The following CDKL5 variants were observed in gnomAD, a reference collection of about 807,000 sequenced individuals.
The protein encoded by CDKL5 is cyclin-dependent kinase-like 5.
In CDKL5, 8 loss-of-function variants were observed where a neutral mutation model predicts 61.7. The observed-to-expected ratio is 0.13, with a 90% CI of 0.08 to 0.23. The LOEUF (loss-of-function observed/expected upper bound fraction) is 0.23. CDKL5 is among the 10% of genes least tolerant of loss of function. The pLI, the probability that CDKL5 is intolerant of heterozygous loss-of-function variation, is 1.00. For synonymous variants in CDKL5, 275 were observed against 272.3 expected, an observed-to-expected ratio of 1.01 and a Z score of -0.10; for missense variants, 440 against 734.5, an observed-to-expected ratio of 0.60 and a Z score of 4.63.
intron 3 of CDKL5, among the ~76,000 whole-genome samples, chrX:18,552,393 A>C (rs1299537144): frequency 8.9e-6 from 1 of 112,293 alleles, no homozygotes; most frequent in Non-Finnish European, 1.9e-5. Flanking sequence ...CTATGGTAGA[A>C]TTAGTAACTG....
intron 1 of CDKL5, among the ~76,000 whole-genome samples, chrX:18,466,353 T>A (rs1920961316): frequency 8.9e-6 from 1 of 112,209 alleles, no homozygotes. Flanking sequence ...CCTAATGGAT[T>A]TATAAGCAAA....
chrX:18,593,126 C>T lies in CDKL5; in HGVS notation c.745-2222C>T, dbSNP rs148850180. Among the ~76,000 whole-genome samples the T allele has an allele frequency of 4.9e-3, 546 of 112,086 alleles. 3 individuals are homozygous for T. The highest frequency in any genetic ancestry group is 0.046 in the Middle Eastern group (10 of 218). On this transcript the variant is annotated intron_variant, in intron 9 of 17. Coordinates refer to ENST00000623535, the MANE Select transcript of CDKL5 (RefSeq NM_001323289.2). ...GTAAAATGTCTAGACCAGAACCTCA[C>T]GCATAGTGCTCAGCAAAGAGGCATT...
chrX:18,630,894 C>G lies in CDKL5; in HGVS notation c.*2137C>G, dbSNP rs1323070379. 1.2e-5 allele frequency: 9 copies of G among 745,582 alleles called. No individual in the cohort carries two copies. The highest frequency in any genetic ancestry group is 1.4e-5 in the Non-Finnish European group (9 of 637,197). 61.4% of individuals were successfully genotyped at this position (745,582 alleles called of 1,213,427 possible). On this transcript the variant is annotated 3_prime_UTR_variant, in exon 18 of 18. Transcript: ENST00000623535. The stretch of plus-strand genomic sequence containing the variant: ...ATGAGGTGGACCATCAGCAGTTTTG[C>G]CTGGACACTAATGACTCTAAAAGGG...
intron 12 of CDKL5, 53 bp from the exon 13 acceptor site, chrX:18,608,758 T>G (rs1926445273): frequency 1.2e-6 from 1 of 827,328 alleles, no homozygotes; most frequent in Admixed American, 2.3e-5. Flanking sequence ...CATGATGAGT[T>G]CCATCCCTAG....
intron 16 of CDKL5, among the ~76,000 whole-genome samples, chrX:18,621,166 G>A (rs1413798699): frequency 8.9e-6 from 1 of 112,182 alleles, no homozygotes; most frequent in Non-Finnish European, 1.9e-5. Context: ...TATAAGTTTA[G>A]TAGATTAGAC....
chrX:18,608,238 C>T (rs993060097), intron 12 of CDKL5, among the ~76,000 whole-genome samples: 1 of 111,748 alleles, frequency 8.9e-6, no homozygotes, highest in African/African-American at 3.3e-5. Context: ...AACATAAGTG[C>T]TGTTATCCTA....
Position 18,435,742 on chromosome X carries a change from T to C in CDKL5, c.-163+10047T>C, listed in dbSNP as rs142571926. On this transcript the variant is annotated intron_variant, in intron 1 of 17. Transcript: ENST00000623535. Reference sequence around the variant, plus strand: ...CCTCCACACCTGGCTAATTTTTGTATTTTCAGTAGAGACGGGGTTTCACTA... The same window carrying C: ...CCTCCACACCTGGCTAATTTTTGTACTTTCAGTAGAGACGGGGTTTCACTA... 1.5e-4 allele frequency among the ~76,000 whole-genome samples: 17 copies of C among 111,315 alleles called. No individual in the cohort carries two copies. In the East Asian group the frequency reaches 4.8e-3, roughly 31 times the overall value.
At chrX:18,556,006 C>G (rs1278658327) in intron 3 of CDKL5, among the ~76,000 whole-genome samples, 1 of 111,835 alleles carries the variant, frequency 8.9e-6, no homozygotes, top group Admixed American at 9.5e-5. Context: ...CTGGAGAAAT[C>G]TAGCTTTTAT....
intron 9 of CDKL5, among the ~76,000 whole-genome samples, chrX:18,591,605 G>T (rs1281206954): frequency 1.8e-5 from 2 of 110,624 alleles, no homozygotes; most frequent in African/African-American, 6.6e-5. Flanking sequence ...AACTCTTTAG[G>T]GTAGCTTTAA....
At chrX:18,490,467 G>C (rs760682234) in intron 1 of CDKL5, among the ~76,000 whole-genome samples, 7 of 99,583 alleles carry the variant, frequency 7.0e-5, no homozygotes, top group Non-Finnish European at 4.1e-5. Flanking sequence ...GCTGTCTGGG[G>C]AAAAAAAAAA....
At chrX:18,612,359 T>A (rs1926579533) in intron 14 of CDKL5, among the ~76,000 whole-genome samples, 1 of 111,565 alleles carries the variant, frequency 9.0e-6, no homozygotes, top group African/African-American at 3.3e-5. Context: ...TGGTAGGGGC[T>A]ACAAGATTCA....
chrX:18,539,656 G>A (rs940391006), intron 3 of CDKL5, among the ~76,000 whole-genome samples: 1 of 111,337 alleles, frequency 9.0e-6, no homozygotes, highest in African/African-American at 3.3e-5. Flanking sequence ...TATTTTATGG[G>A]CTCTTGAAAG....
chrX:18,613,156 A>T lies in CDKL5; in HGVS notation c.2157A>T (p.Pro719=), dbSNP rs200333632. The change falls in exon 15 of 18, where the codon CCA becomes CCT. Residue 719 remains proline (P), a synonymous_variant. Coordinates refer to ENST00000623535, the MANE Select transcript of CDKL5 (RefSeq NM_001323289.2). ...ACTTACTTTTTCTTTATTCAGTGCC[A>T]TCTCCACGTCCAGACAATTCTTTCC... ...PRRVGSFYRV[P]SPRPDNSFHE... The T allele has an allele frequency of 5.2e-5, 62 of 1,181,451 alleles. No individual in the cohort carries two copies. The East Asian group carries it at 1.8e-3, about 34-fold the overall frequency.
chrX:18,652,430 A>T (rs1363037239), intron 21 of CDKL5, among the ~76,000 whole-genome samples: 1 of 112,314 alleles, frequency 8.9e-6, no homozygotes, highest in African/African-American at 3.2e-5. Flanking sequence ...GCACTTTGGG[A>T]GGCCGAGGCG....
intron 3 of CDKL5, among the ~76,000 whole-genome samples, chrX:18,524,638 A>T (rs772305078): frequency 8.9e-6 from 1 of 112,152 alleles, no homozygotes; most frequent in African/African-American, 3.2e-5. Context: ...TTTGTCTTTC[A>T]TGGACAGTCC....
At chrX:18,458,254 C>T (rs1932196286) in intron 1 of CDKL5, among the ~76,000 whole-genome samples, 1 of 110,116 alleles carries the variant, frequency 9.1e-6, no homozygotes, top group African/African-American at 3.3e-5. Flanking sequence ...CCTTCAAGAG[C>T]TGTTAAAGTG....
At chrX:18,542,868 G>T (rs1439089723) in intron 3 of CDKL5, among the ~76,000 whole-genome samples, 1 of 110,838 alleles carries the variant, frequency 9.0e-6, no homozygotes, top group Non-Finnish European at 1.9e-5. Flanking sequence ...TGAGGTGGAT[G>T]TTCAGCTCCT....
intron 1 of CDKL5, among the ~76,000 whole-genome samples, chrX:18,435,959 G>A (rs1203820515): frequency 1.3e-4 from 14 of 110,803 alleles, no homozygotes; most frequent in Admixed American, 9.7e-5. Flanking sequence ...TGACCCTCAC[G>A]CAGTCAAAAA....
In CDKL5 at chrX:18,637,497, G is replaced by A. The variant is rs1927426972; in HGVS notation, c.*8740G>A. On this transcript the variant is annotated 3_prime_UTR_variant, in exon 18 of 18. Transcript: ENST00000623535. Reference sequence around the variant, plus strand: ...GAATCACTTGAACCCAAAAGGCAGAGGTTGCAGTGAGCCAAGATCGCACCA... The same window carrying A: ...GAATCACTTGAACCCAAAAGGCAGAAGTTGCAGTGAGCCAAGATCGCACCA... The A allele has an allele frequency of 9.0e-6, 1 of 110,917 alleles. No homozygotes were observed. The highest frequency in any genetic ancestry group is 1.9e-5 in the Non-Finnish European group (1 of 53,043). The allele number at this position is 110,917 out of a possible 1,213,427, so 9.1% of individuals were successfully genotyped here.
Sources: gnomAD v4.1 joint callset for allele counts (sites outside exome capture counted in the v4.1 genomes callset) on GRCh38, gnomAD v4.1.1 for gene constraint, MANE v1.5 for transcripts, NCBI Gene and HGNC (gene_info 2026-07-23, HGNC 2026-07-21) for gene names.